The following FAF1 variants were observed in gnomAD, a reference collection of about 807,000 sequenced individuals.
FAF1 encodes the protein FAS-associated factor 1.
In FAF1, 25 loss-of-function variants were observed where a neutral mutation model predicts 92.5. The observed-to-expected ratio is 0.27, with a 90% CI of 0.20 to 0.38. The LOEUF (loss-of-function observed/expected upper bound fraction) is 0.38, where lower values mean the gene tolerates loss of function less well. Among genes scored for constraint, FAF1 ranks in the 10% least tolerant of loss-of-function variants. FAF1 has a pLI of 1.00. For synonymous variants in FAF1, 234 were observed against 273.2 expected (o/e 0.86, Z 1.42); for missense variants, 636 against 793.3 (o/e 0.80, Z 2.38).
At chr1:50,666,973 G>A (rs1655668845) in intron 7 of FAF1, among the ~76,000 whole-genome samples, 1 of 152,216 alleles carries the variant, frequency 6.6e-6, no homozygotes, top group South Asian at 2.1e-4. Flanking sequence ...CCTTTCCACA[G>A]CTGCTGTGCT....
At chr1:50,739,391 T>TACACATACATACATATAC (rs1356021491) in intron 5 of FAF1, among the ~76,000 whole-genome samples, 1 of 138,312 alleles carries the variant, frequency 7.2e-6, no homozygotes, top group African/African-American at 3.1e-5. Context: ...CATATATGTG[T>TACACATACATACATATAC]GTTTATGTGT....
At chr1:50,493,034 CTTTTTT>C (rs527436973) in intron 15 of FAF1, among the ~76,000 whole-genome samples, 1 of 137,974 alleles carries the variant, frequency 7.2e-6, no homozygotes, top group Non-Finnish European at 1.6e-5. Flanking sequence ...GATTAAACTT[CTTTTTT>C]TTTTTTTTTT....
At chr1:50,527,785 T>C (rs1281239155) in intron 15 of FAF1, among the ~76,000 whole-genome samples, 2 of 151,182 alleles carry the variant, frequency 1.3e-5, no homozygotes, top group African/African-American at 4.9e-5. Flanking sequence ...TTTGATGAAG[T>C]ATTTAACCCA....
intron 6 of FAF1, among the ~76,000 whole-genome samples, chr1:50,713,682 T>C (rs978436946): frequency 1.3e-5 from 2 of 151,918 alleles, no homozygotes; most frequent in African/African-American, 4.8e-5. Flanking sequence ...ACCATGCTAG[T>C]CTCCTCCTGG....
chr1:50,828,719 C>G (rs958841011), intron 2 of FAF1, among the ~76,000 whole-genome samples: 1 of 152,016 alleles, frequency 6.6e-6, no homozygotes, highest in Non-Finnish European at 1.5e-5. Context: ...CTAAAAGAAA[C>G]GCAGGAAAAC....
chr1:50,942,732 G>GTT (rs1645143315), intron 1 of FAF1, among the ~76,000 whole-genome samples: 2 of 151,116 alleles, frequency 1.3e-5, no homozygotes, highest in South Asian at 4.2e-4. Flanking sequence ...GGCAGCCAGA[G>GTT]TTTTAGTTGT....
chr1:50,791,646 T>C (rs1661568373), intron 3 of FAF1, among the ~76,000 whole-genome samples: 1 of 152,208 alleles, frequency 6.6e-6, no homozygotes, highest in Non-Finnish European at 1.5e-5. Flanking sequence ...ACAGTGTACA[T>C]TCACAGAGGT....
intron 18 of FAF1, among the ~76,000 whole-genome samples, chr1:50,456,308 G>C (rs1646352342): frequency 6.6e-6 from 1 of 152,046 alleles, no homozygotes; most frequent in Non-Finnish European, 1.5e-5. Flanking sequence ...CTGACAACTG[G>C]CTATAAAAAC....
intron 1 of FAF1, among the ~76,000 whole-genome samples, chr1:50,887,841 G>C (rs966545836): frequency 1.3e-5 from 2 of 152,312 alleles, no homozygotes; most frequent in East Asian, 1.9e-4. Context: ...TTTTGGCTTA[G>C]GATTGTCTTG....
chr1:50,664,856 A>C (rs968692216), intron 7 of FAF1, among the ~76,000 whole-genome samples: 3 of 152,240 alleles, frequency 2.0e-5, no homozygotes, highest in Admixed American at 1.3e-4. Context: ...AGGCTAGCTG[A>C]AACAAGGCCC....
At chr1:50,879,330 T>C (rs1010010827) in intron 1 of FAF1, among the ~76,000 whole-genome samples, 1 of 152,180 alleles carries the variant, frequency 6.6e-6, no homozygotes, top group East Asian at 1.9e-4. Context: ...CTCAATTCAT[T>C]AGAAACCAAA....
At position 50,863,339 on chromosome 1, in the gene FAF1, C is replaced by G. The variant is rs183088156; in HGVS notation, c.46-5342G>C. Among the ~76,000 whole-genome samples, 3 of 151,988 alleles carry G rather than the reference C, an allele frequency of 2.0e-5. No homozygotes were observed. In the East Asian group the frequency reaches 5.8e-4, roughly 29 times the overall value. ...TAACAATAATAATGGCACAACCTATCAAAACCTCTGGGATACAGCAAAAGT... is the reference window on the plus strand; with the variant it reads ...TAACAATAATAATGGCACAACCTATGAAAACCTCTGGGATACAGCAAAAGT... On this transcript the variant is annotated intron_variant, in intron 1 of 18. Transcript: ENST00000396153.
At chr1:50,781,138 C>T (rs1016156570) in intron 4 of FAF1, 21 of 276,876 alleles carry the variant, frequency 7.6e-5, no homozygotes, top group South Asian at 5.1e-4. Context: ...AATACTCCTC[C>T]GGGTGCCCCG....
At chr1:50,729,060 T>TATATA (rs1557497314) in intron 6 of FAF1, among the ~76,000 whole-genome samples, 3 of 76,482 alleles carry the variant, frequency 3.9e-5, no homozygotes, top group Admixed American at 1.2e-4. Flanking sequence ...ATATATATAT[T>TATATA]TTTTTTTTTT....
chr1:50,832,300 C>T (rs1644161785), intron 2 of FAF1, among the ~76,000 whole-genome samples: 1 of 152,138 alleles, frequency 6.6e-6, no homozygotes, highest in Non-Finnish European at 1.5e-5. Context: ...GCAGAAAAGA[C>T]ATTAGCACCA....
intron 4 of FAF1, among the ~76,000 whole-genome samples, chr1:50,754,479 T>A (rs1362143040): frequency 6.6e-6 from 1 of 152,130 alleles, no homozygotes; most frequent in Non-Finnish European, 1.5e-5. Context: ...GCCTTTTGGG[T>A]GGTTTTTAGT....
In FAF1 at chr1:50,539,738, G is replaced by A. The variant is rs756887248; in HGVS notation, c.1269-10C>T. 6.2e-7 allele frequency: 1 copy of A among 1,601,332 alleles called. No individual in the cohort carries two copies. The highest frequency in any genetic ancestry group is 1.1e-5 in the South Asian group (1 of 89,282). On this transcript the variant is annotated splice_polypyrimidine_tract_variant and intron_variant, in intron 13 of 18. Coordinates refer to ENST00000396153, the MANE Select transcript of FAF1 (RefSeq NM_007051.3). ...GCACATAGTGAGAAATCTAAAAGGA[G>A]ACAAAATACAAAGTAAGTTTTGCTT...
intron 1 of FAF1, among the ~76,000 whole-genome samples, chr1:50,943,652 G>A (rs895481383): frequency 2.6e-5 from 4 of 151,964 alleles, no homozygotes; most frequent in African/African-American, 9.7e-5. Flanking sequence ...CACAGGGTGT[G>A]CCTAAATAAC....
chr1:50,592,815 G>A (rs1651585254), intron 9 of FAF1, among the ~76,000 whole-genome samples: 1 of 152,048 alleles, frequency 6.6e-6, no homozygotes, highest in Admixed American at 6.6e-5. Context: ...GCACATGCCT[G>A]TAGTCCCTGC....
Sources: gnomAD v4.1 joint callset for allele counts (sites outside exome capture counted in the v4.1 genomes callset) on GRCh38, gnomAD v4.1.1 for gene constraint, MANE v1.5 for transcripts, NCBI Gene and HGNC (gene_info 2026-07-23, HGNC 2026-07-21) for gene names.